DMD: variants seen among roughly 807,000 people sequenced by gnomAD.
DMD encodes the protein dystrophin.
Under a neutral mutation model 330.1 loss-of-function variants are expected in DMD, and 63 were observed. The observed-to-expected ratio is 0.19, with a 90% CI of 0.16 to 0.24. The LOEUF is 0.24. DMD is among the 10% of genes least tolerant of loss of function. The probability of loss-of-function intolerance (pLI) is 1.00; values close to 1 mark genes in which losing one functional copy is unlikely to be tolerated. For synonymous variants in DMD, 1,223 were observed against 959.8 expected (o/e 1.27, Z -5.07); for missense variants, 3,344 against 2,684.1 (o/e 1.25, Z -5.43).
At chrX:32,853,900 G>A (rs763091775) in intron 2 of DMD, among the ~76,000 whole-genome samples, 13 of 110,371 alleles carry the variant, frequency 1.2e-4, no homozygotes, top group South Asian at 3.8e-4. Flanking sequence ...ATTCCATGTC[G>A]ATAGCAACCA....
chrX:32,649,510 A>C (rs1384848930), intron 9 of DMD, among the ~76,000 whole-genome samples: 2 of 103,096 alleles, frequency 1.9e-5, no homozygotes, highest in South Asian at 4.6e-4. Context: ...GAGCCGAGAA[A>C]GCGCCACTGC....
chrX:33,008,750 G>C (rs1166099840), intron 2 of DMD, among the ~76,000 whole-genome samples: 1 of 62,493 alleles, frequency 1.6e-5, no homozygotes, highest in Non-Finnish European at 3.2e-5. Flanking sequence ...ATATACATCA[G>C]ATAAGTATTT....
At chrX:32,119,189 G>T (rs1191628477) in intron 44 of DMD, among the ~76,000 whole-genome samples, 1 of 110,303 alleles carries the variant, frequency 9.1e-6, no homozygotes, top group African/African-American at 3.3e-5. Flanking sequence ...ACTTAGCAGG[G>T]CCTGGTGGCG....
chrX:32,787,249 A>T (rs12835591), intron 7 of DMD, among the ~76,000 whole-genome samples: 23,451 of 80,413 alleles, frequency 0.29, 2,929 homozygotes, highest in African/African-American at 0.48. Flanking sequence ...TGTGTGTGTG[A>T]GAGAGAGAGA....
rs190925084 is a variant in DMD, at chrX:33,264,957, G to T, written c.7+74302C>A. Among the ~76,000 whole-genome samples the T allele has an allele frequency of 3.1e-3, 346 of 110,483 alleles. 2 individuals carry two copies. The highest frequency in any genetic ancestry group is 0.011 in the African/African-American group (332 of 30,519). ...CATGTCTACATTATGGAAACTCAGAGGTTTATGGTCACATAAGAGTGAAAG... is the reference window on the plus strand; with the variant it reads ...CATGTCTACATTATGGAAACTCAGATGTTTATGGTCACATAAGAGTGAAAG... On this transcript the variant is annotated intron_variant, in intron 1 of 17. Transcript: ENST00000288447.
At chrX:33,039,771 C>A (rs141821146) in intron 1 of DMD, among the ~76,000 whole-genome samples, 2 of 111,445 alleles carry the variant, frequency 1.8e-5, no homozygotes, top group Admixed American at 9.6e-5. Flanking sequence ...AAAATACTTA[C>A]GCTTTCCATC....
chrX:32,172,326 T>C (rs1340988811), intron 44 of DMD, among the ~76,000 whole-genome samples: 7 of 112,256 alleles, frequency 6.2e-5, no homozygotes, highest in African/African-American at 1.3e-4. Flanking sequence ...ACAGGTCATA[T>C]GATGGATTTC....
At position 32,491,376 on chromosome X, in the gene DMD, T is replaced by C. The variant is rs748655300; in HGVS notation, c.2523A>G (p.Gln841=). 17 of 1,211,120 alleles carry C rather than the reference T, an allele frequency of 1.4e-5. No individual in the cohort carries two copies. Among genetic ancestry groups the C allele is most frequent in the Non-Finnish European group, 1.8e-5 (16 of 895,039 alleles). The change falls in exon 20 of 79, where the codon CAA becomes CAG. Residue 841 remains glutamine, a synonymous_variant. Transcript: ENST00000357033. ...CAGCAGTAGTTGTCATCTGCTCCAA[T>C]TGTTGTAGCTGATTATAGAAAGCGA... ...NIIAFYNQLQ[Q]LEQMTTTAEN...
At chrX:32,118,617 C>T (rs112775176) in intron 44 of DMD, among the ~76,000 whole-genome samples, 9,048 of 110,824 alleles carry the variant, frequency 0.082, 846 homozygotes, top group African/African-American at 0.27. Flanking sequence ...TATCAGAACT[C>T]CTACGAGTGG....
chrX:33,168,265 T>C (rs1207647175), intron 1 of DMD, among the ~76,000 whole-genome samples: 1 of 111,147 alleles, frequency 9.0e-6, no homozygotes, highest in Non-Finnish European at 1.9e-5. Flanking sequence ...ACTTCCAAAA[T>C]ACTGTTGAAC....
At chrX:32,582,722 C>G (rs1172424946) in intron 13 of DMD, among the ~76,000 whole-genome samples, 1 of 111,671 alleles carries the variant, frequency 9.0e-6, no homozygotes, top group East Asian at 2.8e-4. Context: ...CTGACCAAAA[C>G]AAACTTAATG....
chrX:31,720,708 G>C (rs1485395896), intron 52 of DMD, among the ~76,000 whole-genome samples: 1 of 111,025 alleles, frequency 9.0e-6, no homozygotes, highest in Non-Finnish European at 1.9e-5. Flanking sequence ...TAAAACATTT[G>C]TTAACCCAGA....
intron 1 of DMD, among the ~76,000 whole-genome samples, chrX:33,037,849 ATGTT>A (rs2094230523): frequency 8.9e-6 from 1 of 112,283 alleles, no homozygotes; most frequent in African/African-American, 3.2e-5. Flanking sequence ...TCCTTTTAAT[ATGTT>A]TGTTTTATAG....
chrX:32,697,383 A>C (rs2147571372), intron 9 of DMD, among the ~76,000 whole-genome samples: 1 of 112,002 alleles, frequency 8.9e-6, no homozygotes, highest in East Asian at 2.8e-4. Context: ...GAGCATATGA[A>C]GAAGCTTGCA....
chrX:31,594,338 A>G (rs1443216635), intron 55 of DMD, among the ~76,000 whole-genome samples: 1 of 110,928 alleles, frequency 9.0e-6, no homozygotes, highest in African/African-American at 3.3e-5. Context: ...TAAACAACTT[A>G]GCATAAACAA....
At chrX:31,733,186 T>TC (rs898141275) in intron 51 of DMD, among the ~76,000 whole-genome samples, 10 of 110,987 alleles carry the variant, frequency 9.0e-5, no homozygotes, top group African/African-American at 3.3e-4. Context: ...TCTCACTAAG[T>TC]CCCCCCAGAG....
At chrX:31,543,547 A>T (rs1345717967) in intron 55 of DMD, among the ~76,000 whole-genome samples, 1 of 112,077 alleles carries the variant, frequency 8.9e-6, no homozygotes, top group East Asian at 2.8e-4. Context: ...ACTAACATGA[A>T]TTCACCTTAG....
chrX:33,254,347 T>C (rs1398499190), intron 1 of DMD, among the ~76,000 whole-genome samples: 1 of 110,812 alleles, frequency 9.0e-6, no homozygotes, highest in Non-Finnish European at 1.9e-5. Flanking sequence ...AAAAAAGATA[T>C]GATATATTCA....
intron 76 of DMD, among the ~76,000 whole-genome samples, chrX:31,143,149 T>A (rs2036274827): frequency 9.0e-6 from 1 of 111,559 alleles, no homozygotes; most frequent in African/African-American, 3.3e-5. Flanking sequence ...TGAAGTTAGC[T>A]TATGCAGTTC....
Sources: allele counts gnomAD v4.1 joint callset (sites outside exome capture counted in the v4.1 genomes callset), GRCh38; gene constraint gnomAD v4.1.1; transcripts MANE v1.5; gene names NCBI Gene and HGNC (gene_info 2026-07-23, HGNC 2026-07-21).